The following FAM227A variants were observed in gnomAD, a reference collection of about 807,000 sequenced individuals.
FAM227A encodes the protein family with sequence similarity 227 member A.
Under a neutral mutation model 74.7 loss-of-function variants are expected in FAM227A, and 80 were observed. The ratio of observed to expected loss-of-function variants is 1.07; its 90% confidence interval spans 0.89 to 1.29. The LOEUF (loss-of-function observed/expected upper bound fraction) is 1.29, where lower values mean the gene tolerates loss of function less well. FAM227A is among the 50% of genes most tolerant of loss of function. FAM227A has a pLI of 0.00. For missense variants in FAM227A, 654 were observed against 683.4 expected, an observed-to-expected ratio of 0.96 and a Z score of 0.48; for synonymous variants, 237 against 241.8, an observed-to-expected ratio of 0.98 and a Z score of 0.19.
intron 6 of FAM227A, among the ~76,000 whole-genome samples, chr22:38,630,188 T>A (rs565548544): frequency 5.3e-5 from 8 of 152,374 alleles, no homozygotes; most frequent in African/African-American, 1.9e-4. Flanking sequence ...TGCCTCTCCT[T>A]TACCATCAGC....
Position 38,582,321 on chromosome 22 carries a change from AT to A in FAM227A, c.*3803del. On this transcript the variant is annotated 3_prime_UTR_variant, in exon 17 of 17. Coordinates refer to ENST00000535113, the MANE Select transcript of FAM227A (RefSeq NM_001013647.2). ...TCATAAGCAATTCAAAATCAGGACT[AT>A]AGGATTTTAACTTCATCTCTTCTAG... 1 of 1,544,418 alleles carries A rather than the reference AT, an allele frequency of 6.5e-7. No homozygotes were observed. The highest frequency in any genetic ancestry group is 8.8e-7 in the Non-Finnish European group (1 of 1,142,006).
rs865828545 is a variant in FAM227A at position 38,605,149 on chromosome 22, T to G, written c.1221+105A>C. On this transcript the variant is annotated intron_variant, in intron 13 of 16. Transcript: ENST00000535113. ...TTTGCATAAGGTTTGGCATAGTACC[T>G]GGCATATAGTAAATATTCATTAAAT... 1.9e-5 allele frequency: 13 copies of G among 681,104 alleles called. No homozygotes were observed. The Middle Eastern group carries it at 7.3e-4, about 38-fold the overall frequency. 42.2% of individuals were successfully genotyped at this position (681,104 alleles called of 1,614,324 possible).
At chr22:38,589,746 C>T (rs928016842) in intron 16 of FAM227A, among the ~76,000 whole-genome samples, 4 of 152,144 alleles carry the variant, frequency 2.6e-5, no homozygotes, top group Non-Finnish European at 5.9e-5. Flanking sequence ...AAAAATTCTC[C>T]AAAATTCTGT....
At chr22:38,639,083 AT>A (rs1282406642) in intron 4 of FAM227A, among the ~76,000 whole-genome samples, 2 of 151,928 alleles carry the variant, frequency 1.3e-5, no homozygotes, top group Admixed American at 6.6e-5. Context: ...TATAAAATAT[AT>A]TAAATGGTAC....
chr22:38,623,605 T>C (rs1407994751), intron 9 of FAM227A, among the ~76,000 whole-genome samples: 4 of 152,176 alleles, frequency 2.6e-5, no homozygotes, highest in South Asian at 2.1e-4. Flanking sequence ...ACGGGGATGA[T>C]GACCCTGCCC....
In FAM227A at chr22:38,585,757, C is replaced by T. The variant is rs963354381; in HGVS notation, c.*368G>A. The T allele has an allele frequency of 1.6e-4, 55 of 338,838 alleles. No homozygotes were observed. The highest frequency in any genetic ancestry group is 2.3e-4 in the Non-Finnish European group (42 of 183,278). 21.0% of individuals were successfully genotyped at this position (338,838 alleles called of 1,614,324 possible). On this transcript the variant is annotated 3_prime_UTR_variant, in exon 17 of 17. Coordinates refer to ENST00000535113, the MANE Select transcript of FAM227A (RefSeq NM_001013647.2). Reference sequence around the variant, plus strand: ...ACCCAGTGTCTACAGCAGAGAACTTCGGAAACCTTTCTAAACCTGGGCTTG... The same window carrying T: ...ACCCAGTGTCTACAGCAGAGAACTTTGGAAACCTTTCTAAACCTGGGCTTG...
At chr22:38,594,162 T>C (rs1283833664) in intron 15 of FAM227A, among the ~76,000 whole-genome samples, 1 of 152,224 alleles carries the variant, frequency 6.6e-6, no homozygotes, top group African/African-American at 2.4e-5. Context: ...GAGACTGCCC[T>C]CTACCAAGTC....
intron 16 of FAM227A, among the ~76,000 whole-genome samples, chr22:38,590,632 G>A (rs1395246785): frequency 6.6e-6 from 1 of 152,172 alleles, no homozygotes; most frequent in Non-Finnish European, 1.5e-5. Context: ...CTGGCTTCCT[G>A]GCACATGCAA....
rs1356441400 is a variant in FAM227A at position 38,599,968 on chromosome 22, C to T, written c.1222-47G>A. The T allele has an allele frequency of 4.7e-6, 7 of 1,490,266 alleles. No individual in the cohort carries two copies. The South Asian group carries it at 5.3e-5, about 11-fold the overall frequency. The allele number at this position is 1,490,266 out of a possible 1,614,324, so 92.3% of individuals were successfully genotyped here. ...AAAATAAAGGATATTGTCATTTTTA[C>T]AGTCTGTATTAAGAACCAGAAAGGC... is the stretch of plus-strand genomic sequence containing the variant. On this transcript the variant is annotated intron_variant, in intron 13 of 16. Coordinates refer to ENST00000535113, the MANE Select transcript of FAM227A (RefSeq NM_001013647.2).
rs943147174 is a variant in FAM227A at position 38,639,710 on chromosome 22, A to C, written c.240T>G (p.Phe80Leu). ...PSANSLAIERFELEKKALREK... is the reference protein window; with the variant it reads ...PSANSLAIERLELEKKALREK... The stretch of plus-strand genomic sequence containing the variant: ...CTCTTAAAGCCTTCTTCTCCAACTC[A>C]AATCTCTCAATTGCCTTCAAAAACC... The change falls in exon 4 of 17, where the codon TTT becomes TTG. Residue 80 changes from phenylalanine (F) to leucine (L), a missense_variant. Phe to Leu is a conservative substitution (Grantham distance 22). Transcript: ENST00000535113. 1.9e-6 allele frequency: 3 copies of C among 1,551,406 alleles called. No individual in the cohort carries two copies. The highest frequency in any genetic ancestry group is 2.7e-5 in the African/African-American group (2 of 73,042).
chr22:38,636,770 CTTTT>C (rs34040804), intron 5 of FAM227A, among the ~76,000 whole-genome samples, 173 bp from the exon 6 acceptor site: 1 of 118,816 alleles, frequency 8.4e-6, no homozygotes. Context: ...TACATTATTT[CTTTT>C]TTTTTTTTTT....
intron 3 of FAM227A, among the ~76,000 whole-genome samples, chr22:38,644,942 A>C (rs2092202073): frequency 6.6e-6 from 1 of 152,010 alleles, no homozygotes; most frequent in Non-Finnish European, 1.5e-5. Flanking sequence ...ACAAAAAATT[A>C]GCCGGGTATG....
At position 38,580,380 on chromosome 22, in the gene FAM227A, A is replaced by T. The variant is rs1175814904; in HGVS notation, c.*5745T>A. ...TAGGTGTCATTTACCATTTGCCATG[A>T]TGTCCCCATCCTCTGTATTTCCTGT... is the stretch of plus-strand genomic sequence containing the variant. On this transcript the variant is annotated 3_prime_UTR_variant, in exon 17 of 17. Transcript: ENST00000535113. 5 of 152,142 alleles carry T rather than the reference A, an allele frequency of 3.3e-5. No individual in the cohort carries two copies. The highest frequency in any genetic ancestry group is 1.2e-4 in the African/African-American group (5 of 41,426). The allele number at this position is 152,142 out of a possible 1,614,324, so 9.4% of individuals were successfully genotyped here.
intron 5 of FAM227A, among the ~76,000 whole-genome samples, chr22:38,637,254 T>C (rs774357638): frequency 3.9e-5 from 6 of 152,320 alleles, no homozygotes; most frequent in Admixed American, 2.0e-4. Flanking sequence ...AGAATTATCA[T>C]TTAAGATGAT....
intron 2 of FAM227A, among the ~76,000 whole-genome samples, chr22:38,649,033 C>A (rs2092285649): frequency 6.6e-6 from 1 of 151,628 alleles, no homozygotes; most frequent in Admixed American, 6.6e-5. Flanking sequence ...GAGGGTTGCA[C>A]CACAATTTCT....
chr22:38,651,023 C>T (rs557501333), intron 1 of FAM227A, among the ~76,000 whole-genome samples: 1 of 152,260 alleles, frequency 6.6e-6, no homozygotes, highest in East Asian at 1.9e-4. Context: ...CTCTCCTTCC[C>T]TCTCCTCCGG....
chr22:38,602,328 A>G (rs1349545131), intron 13 of FAM227A, among the ~76,000 whole-genome samples: 5 of 152,200 alleles, frequency 3.3e-5, no homozygotes, highest in South Asian at 2.1e-4. Context: ...ACAACTAGAA[A>G]TGTCTTCAGA....
At chr22:38,607,234 C>T (rs2091303663) in intron 12 of FAM227A, among the ~76,000 whole-genome samples, 155 bp downstream of exon 12, 1 of 151,766 alleles carries the variant, frequency 6.6e-6, no homozygotes, top group Non-Finnish European at 1.5e-5. Context: ...CAACTACATC[C>T]TTTCATAAAA....
At chr22:38,613,124 AAT>A (rs2091462919) in intron 11 of FAM227A, among the ~76,000 whole-genome samples, 2 of 91,492 alleles carry the variant, frequency 2.2e-5, no homozygotes, top group African/African-American at 4.7e-5. Flanking sequence ...TATTATATAT[AAT>A]TATATATATA....
Sources: allele counts gnomAD v4.1 joint callset (sites outside exome capture counted in the v4.1 genomes callset), GRCh38; gene constraint gnomAD v4.1.1; transcripts MANE v1.5; gene names NCBI Gene and HGNC (gene_info 2026-07-23, HGNC 2026-07-21).